The following SGPP1 variants were observed in gnomAD, a reference collection of about 807,000 sequenced individuals.
SGPP1 encodes the protein sphingosine-1-phosphate phosphatase 1, also known as hSPP1.
In SGPP1, 21 loss-of-function variants were observed where a neutral mutation model predicts 33.0. The ratio of observed to expected loss-of-function variants is 0.64; its 90% CI spans 0.45 to 0.92. The LOEUF (loss-of-function observed/expected upper bound fraction) is 0.92, where lower values mean the gene tolerates loss of function less well. Among genes scored for constraint, SGPP1 ranks in the 40% least tolerant of loss-of-function variants. SGPP1 has a pLI of 0.00. For synonymous variants in SGPP1, 239 were observed against 241.2 expected (o/e 0.99, Z 0.08); for missense variants, 543 against 589.4 (o/e 0.92, Z 0.81).
chr14:63,727,890 T>C lies in SGPP1; in HGVS notation c.55A>G (p.Lys19Glu). Residue 19 changes from lysine (K) to glutamate (E), a missense_variant, in exon 1 of 3, where the codon AAA becomes GAA. Physicochemically the swap from Lys to Glu is moderately conservative, Grantham distance 56. Coordinates refer to ENST00000247225, the MANE Select transcript of SGPP1 (RefSeq NM_030791.4). ...CACAGCCGCTGGAAACGGGCCACTTTCTGCGGGTCCTGCAGACGGCCAACC... is the reference window on the plus strand; with the variant it reads ...CACAGCCGCTGGAAACGGGCCACTTCCTGCGGGTCCTGCAGACGGCCAACC... The part of the protein sequence containing the change: ...QLVGRLQDPQ[K>E]VARFQRLCGV... 3 of 1,530,052 alleles carry C rather than the reference T, an allele frequency of 2.0e-6. No individual in the cohort carries two copies. The highest frequency in any genetic ancestry group is 2.6e-6 in the Non-Finnish European group (3 of 1,145,944). 94.8% of individuals were successfully genotyped at this position (1,530,052 alleles called of 1,614,324 possible). A position where few individuals can be genotyped will look rare whatever the true frequency, so the allele number is the denominator to read the frequency against.
chr14:63,704,302 C>CT (rs1221287689), intron 1 of SGPP1, among the ~76,000 whole-genome samples: 1 of 152,186 alleles, frequency 6.6e-6, no homozygotes, highest in Non-Finnish European at 1.5e-5. Flanking sequence ...CAGTGTGGTA[C>CT]TGACATAAGG....
intron 1 of SGPP1, among the ~76,000 whole-genome samples, chr14:63,708,213 T>C (rs1384848360): frequency 1.3e-5 from 2 of 151,714 alleles, no homozygotes; most frequent in African/African-American, 4.8e-5. Flanking sequence ...ACCCAATCTT[T>C]CTTTTTTTCT....
At chr14:63,710,321 G>A (rs1885497618) in intron 1 of SGPP1, among the ~76,000 whole-genome samples, 1 of 152,076 alleles carries the variant, frequency 6.6e-6, no homozygotes, top group Admixed American at 6.6e-5. Flanking sequence ...TTAAATGTTT[G>A]TCATAAAATT....
intron 1 of SGPP1, among the ~76,000 whole-genome samples, chr14:63,709,945 A>G (rs1885490799): frequency 6.6e-6 from 1 of 152,176 alleles, no homozygotes; most frequent in Non-Finnish European, 1.5e-5. Context: ...GGCATGTTCC[A>G]TTTACATTCA....
chr14:63,688,255 G>A (rs1224528420), intron 2 of SGPP1, among the ~76,000 whole-genome samples: 1 of 147,042 alleles, frequency 6.8e-6, no homozygotes, highest in African/African-American at 2.5e-5. Context: ...GGCCGAGGTT[G>A]CAGTGAACCG....
chr14:63,719,832 A>C (rs1472484458), intron 1 of SGPP1, among the ~76,000 whole-genome samples: 5 of 151,508 alleles, frequency 3.3e-5, no homozygotes. Context: ...AAAAAAAAGA[A>C]GGCCAGGCAC....
intron 1 of SGPP1, among the ~76,000 whole-genome samples, chr14:63,699,505 T>A (rs968175997): frequency 5.9e-5 from 9 of 152,158 alleles, no homozygotes; most frequent in Non-Finnish European, 1.2e-4. Context: ...GGGACTTAAG[T>A]AAGCTTGTAA....
chr14:63,689,875 C>T (rs1216291436), intron 2 of SGPP1, among the ~76,000 whole-genome samples: 4 of 151,860 alleles, frequency 2.6e-5, no homozygotes, highest in Non-Finnish European at 5.9e-5. Context: ...TTTTGAACTG[C>T]TTTTTACACT....
intron 1 of SGPP1, among the ~76,000 whole-genome samples, chr14:63,719,811 T>C (rs1885731398): frequency 6.6e-6 from 1 of 151,072 alleles, no homozygotes; most frequent in South Asian, 2.1e-4. Flanking sequence ...TCATTAATTG[T>C]TGGACTTAAA....
intron 1 of SGPP1, among the ~76,000 whole-genome samples, chr14:63,724,511 C>CTA (rs1885835566): frequency 6.8e-6 from 1 of 146,952 alleles, no homozygotes; most frequent in Non-Finnish European, 1.5e-5. Context: ...GAAAGGCTTT[C>CTA]TATATAAGCC....
rs1884939132 is a variant in SGPP1 at position 63,684,913 on chromosome 14, G to C, written c.*1192C>G. 6.6e-6 allele frequency: 1 copy of C among 152,194 alleles called. No homozygotes were observed. The allele number at this position is 152,194 out of a possible 1,614,324, so 9.4% of individuals were successfully genotyped here. A position where few individuals can be genotyped will look rare whatever the true frequency, so the allele number is the denominator to read the frequency against. ...ATTTACCTTAAATAGCCAATAAATG[G>C]GTATTAAAAGTTAACGGTGCTAAAT... is the stretch of plus-strand genomic sequence containing the variant. On this transcript the variant is annotated 3_prime_UTR_variant, in exon 3 of 3. Coordinates refer to ENST00000247225, the MANE Select transcript of SGPP1 (RefSeq NM_030791.4).
chr14:63,695,689 A>C (rs548011743), intron 2 of SGPP1, among the ~76,000 whole-genome samples: 24 of 152,316 alleles, frequency 1.6e-4, no homozygotes, highest in African/African-American at 5.8e-4. Flanking sequence ...AGGTGGAACG[A>C]TCACTTGAAC....
At chr14:63,697,577 T>C (rs1221094812) in intron 2 of SGPP1, among the ~76,000 whole-genome samples, 3 of 152,176 alleles carry the variant, frequency 2.0e-5, no homozygotes, top group South Asian at 4.1e-4. Flanking sequence ...CTCAAGGAAC[T>C]TGGAGTCTAG....
chr14:63,699,507 A>C (rs147280395), intron 1 of SGPP1, among the ~76,000 whole-genome samples: 270 of 152,266 alleles, frequency 1.8e-3, no homozygotes, highest in African/African-American at 5.8e-3. Context: ...GACTTAAGTA[A>C]GCTTGTAAGA....
chr14:63,706,634 T>C (rs1052161780), intron 1 of SGPP1, among the ~76,000 whole-genome samples: 1 of 152,182 alleles, frequency 6.6e-6, no homozygotes, highest in African/African-American at 2.4e-5. Flanking sequence ...CTTACCATAT[T>C]ATATTCATGA....
chr14:63,687,891 C>T (rs935578134), intron 2 of SGPP1, among the ~76,000 whole-genome samples: 4 of 151,964 alleles, frequency 2.6e-5, no homozygotes, highest in African/African-American at 7.3e-5. Context: ...GAGGCCGAGG[C>T]GGGTGGATCA....
rs1046161394 is a variant in SGPP1, at chr14:63,718,796, G to GA, written c.684+8464dup. On this transcript the variant is annotated intron_variant, in intron 1 of 2. Transcript: ENST00000247225. ...TAAGTAAAATACCAATAATCTAAGT[G>GA]AAAAAAAATAAAAGAAATGCTTTGA... Among the ~76,000 whole-genome samples, 6 of 148,952 alleles carry GA rather than the reference G, an allele frequency of 4.0e-5. No homozygotes were observed. The South Asian group carries it at 6.4e-4, about 16-fold the overall frequency.
intron 1 of SGPP1, among the ~76,000 whole-genome samples, chr14:63,726,585 T>A (rs1714653346): frequency 6.6e-6 from 1 of 152,180 alleles, no homozygotes; most frequent in African/African-American, 2.4e-5. Context: ...AATGAGGCAA[T>A]AACACTATAG....
Position 63,727,401 on chromosome 14 carries a change from G to T in SGPP1, c.544C>A (p.Arg182Ser). Residue 182 changes from arginine to serine, a missense_variant, in exon 1 of 3, where the codon CGC becomes AGC. Arg to Ser is a moderately radical substitution (Grantham distance 110). Transcript: ENST00000247225. Reference sequence around the variant, plus strand: ...GGCGGCGAGGCGGGCCTCGGCCAGCGGATGATGTCCTTGGTGCACTGGCCC... The same window carrying T: ...GGCGGCGAGGCGGGCCTCGGCCAGCTGATGATGTCCTTGGTGCACTGGCCC... ...YLGQCTKDII[R>S]WPRPASPPVV... 6.2e-7 allele frequency: 1 copy of T among 1,613,918 alleles called. No homozygotes were observed. Among genetic ancestry groups the T allele is most frequent in the Non-Finnish European group, 8.5e-7 (1 of 1,179,982 alleles).
Sources: allele counts gnomAD v4.1 joint callset (sites outside exome capture counted in the v4.1 genomes callset), GRCh38; gene constraint gnomAD v4.1.1; transcripts MANE v1.5; gene names NCBI Gene and HGNC (gene_info 2026-07-23, HGNC 2026-07-21).